MBD5: variants seen among roughly 807,000 people sequenced by gnomAD.
The protein encoded by MBD5 is methyl-CpG binding domain protein 5.
MBD5 carries 13 observed loss-of-function variants against 117.3 expected under a neutral mutation model. The ratio of observed to expected loss-of-function variants is 0.11; its 90% CI spans 0.07 to 0.18. MBD5 has a LOEUF of 0.18. MBD5 is among the 10% of genes least tolerant of loss of function. The pLI, the probability that MBD5 is intolerant of heterozygous loss-of-function variation, is 1.00. For synonymous variants in MBD5, 727 were observed against 766.4 expected (o/e 0.95, Z 0.85); for missense variants, 1,879 against 2,093.8 (o/e 0.90, Z 2.00).
At chr2:148,426,382 C>T (rs1228925972) in intron 4 of MBD5, among the ~76,000 whole-genome samples, 1 of 151,952 alleles carries the variant, frequency 6.6e-6, no homozygotes, top group East Asian at 1.9e-4. Context: ...GGAGGCATCA[C>T]ACTACCTGAC....
intron 11 of MBD5, among the ~76,000 whole-genome samples, chr2:148,496,187 T>C (rs1031466308): frequency 6.6e-6 from 1 of 152,188 alleles, no homozygotes; most frequent in Non-Finnish European, 1.5e-5. Context: ...TGCATTTTGG[T>C]TGGTGGTGTG....
intron 3 of MBD5, among the ~76,000 whole-genome samples, chr2:148,311,028 T>A (rs2106527515): frequency 6.6e-6 from 1 of 152,306 alleles, no homozygotes; most frequent in East Asian, 1.9e-4. Flanking sequence ...TTATAATTTC[T>A]GTTCTTTTGC....
At chr2:148,089,254 TG>T (rs574162653) in intron 1 of MBD5, among the ~76,000 whole-genome samples, 5 of 151,796 alleles carry the variant, frequency 3.3e-5, no homozygotes, top group Non-Finnish European at 7.4e-5. Context: ...ACAATAATAG[TG>T]GGGGGACTTC....
At chr2:148,103,054 A>AAT (rs1391529212) in intron 1 of MBD5, among the ~76,000 whole-genome samples, 1 of 152,190 alleles carries the variant, frequency 6.6e-6, no homozygotes, top group Non-Finnish European at 1.5e-5. Context: ...TGTCTGTAAA[A>AAT]ATATATATAA....
chr2:148,486,450 C>G (rs1681343548), intron 10 of MBD5, among the ~76,000 whole-genome samples: 1 of 152,106 alleles, frequency 6.6e-6, no homozygotes, highest in African/African-American at 2.4e-5. Flanking sequence ...AAGGCTCTTT[C>G]AGCATGACAG....
intron 4 of MBD5, among the ~76,000 whole-genome samples, chr2:148,396,082 T>G (rs1704705395): frequency 6.6e-6 from 1 of 152,232 alleles, no homozygotes; most frequent in Non-Finnish European, 1.5e-5. Flanking sequence ...ATATTTGCTG[T>G]GTTCACATTC....
At chr2:148,268,333 AG>A (rs2106330920) in intron 3 of MBD5, among the ~76,000 whole-genome samples, 1 of 151,684 alleles carries the variant, frequency 6.6e-6, no homozygotes, top group East Asian at 1.9e-4. Context: ...CCCCCCACCC[AG>A]GCCTCCCAAA....
At chr2:148,127,575 C>T (rs776851811) in intron 1 of MBD5, among the ~76,000 whole-genome samples, 29 of 152,246 alleles carry the variant, frequency 1.9e-4, no homozygotes, top group Non-Finnish European at 3.4e-4. Context: ...TTCCTTTCTA[C>T]GCCTGCATCG....
chr2:148,500,189 C>A (rs1166399097), intron 11 of MBD5, among the ~76,000 whole-genome samples: 1 of 151,882 alleles, frequency 6.6e-6, no homozygotes, highest in African/African-American at 2.4e-5. Flanking sequence ...TAAATTTGGG[C>A]AAGTTGTCAT....
intron 1 of MBD5, among the ~76,000 whole-genome samples, chr2:148,134,300 A>G (rs1697122427): frequency 6.6e-6 from 1 of 152,206 alleles, no homozygotes; most frequent in African/African-American, 2.4e-5. Flanking sequence ...ATATACATAT[A>G]TGTTGAAATT....
At chr2:148,063,565 T>C in intron 1 of MBD5, among the ~76,000 whole-genome samples, 1 of 144,826 alleles carries the variant, frequency 6.9e-6, no homozygotes, top group Non-Finnish European at 1.5e-5. Context: ...TTTTTTTTTT[T>C]AATACAAAAA....
At chr2:148,480,144 A>G (rs1375505885) in intron 8 of MBD5, among the ~76,000 whole-genome samples, 3 of 152,122 alleles carry the variant, frequency 2.0e-5, no homozygotes, top group African/African-American at 7.2e-5. Flanking sequence ...AAATTTAAAA[A>G]ACTATACCTT....
intron 8 of MBD5, among the ~76,000 whole-genome samples, chr2:148,477,281 C>T (rs1028499748): frequency 2.6e-5 from 4 of 152,150 alleles, no homozygotes; most frequent in African/African-American, 9.7e-5. Flanking sequence ...CCTCTTGGCC[C>T]TGTTGAGTGT....
intron 2 of MBD5, among the ~76,000 whole-genome samples, chr2:148,210,722 A>G (rs1699402535): frequency 6.6e-6 from 1 of 152,146 alleles, no homozygotes; most frequent in African/African-American, 2.4e-5. Flanking sequence ...AAAATAACTT[A>G]GATGACTATA....
intron 2 of MBD5, among the ~76,000 whole-genome samples, chr2:148,210,214 C>T (rs1699386455): frequency 6.6e-6 from 1 of 152,192 alleles, no homozygotes; most frequent in Non-Finnish European, 1.5e-5. Flanking sequence ...CTAATTCCTA[C>T]ATTTTAAATA....
intron 3 of MBD5, among the ~76,000 whole-genome samples, chr2:148,333,715 A>G (rs1028292764): frequency 1.3e-5 from 2 of 151,888 alleles, no homozygotes; most frequent in African/African-American, 4.8e-5. Flanking sequence ...AAAATTAGCC[A>G]GGTAAGGTGG....
intron 3 of MBD5, among the ~76,000 whole-genome samples, chr2:148,275,588 G>A (rs751772424): frequency 1.3e-5 from 2 of 152,104 alleles, no homozygotes; most frequent in Non-Finnish European, 2.9e-5. Flanking sequence ...TCAAATGATT[G>A]GATGAGGCTC....
At chr2:148,128,457 T>G (rs1346865837) in intron 1 of MBD5, among the ~76,000 whole-genome samples, 1 of 152,184 alleles carries the variant, frequency 6.6e-6, no homozygotes, top group Non-Finnish European at 1.5e-5. Flanking sequence ...CACACATTAA[T>G]TAGAGTTGGA....
intron 3 of MBD5, among the ~76,000 whole-genome samples, chr2:148,258,477 C>A (rs1378816575): frequency 6.6e-6 from 1 of 152,122 alleles, no homozygotes; most frequent in African/African-American, 2.4e-5. Context: ...GGTGGGGGAC[C>A]AGTGGATCGC....
Sources: gnomAD v4.1 joint callset for allele counts (sites outside exome capture counted in the v4.1 genomes callset) on GRCh38, gnomAD v4.1.1 for gene constraint, MANE v1.5 for transcripts, NCBI Gene and HGNC (gene_info 2026-07-23, HGNC 2026-07-21) for gene names.